Variants in TSHZ3 observed in about 807,000 individuals in gnomAD.
TSHZ3 encodes the protein teashirt zinc finger homeobox 3, also known as teashirt homolog 3.
Under a neutral mutation model 64.5 loss-of-function variants are expected in TSHZ3, and 10 were observed. The ratio of observed to expected loss-of-function variants is 0.16; its 90% confidence interval spans 0.10 to 0.26. The LOEUF (loss-of-function observed/expected upper bound fraction) is 0.26. TSHZ3 is among the 10% of genes least tolerant of loss of function. The probability of loss-of-function intolerance (pLI) is 1.00; values close to 1 mark genes in which losing one functional copy is unlikely to be tolerated. For missense variants in TSHZ3, 1,242 were observed against 1,421.7 expected (o/e 0.87, Z 2.03); for synonymous variants, 608 against 593.1 (o/e 1.03, Z -0.36).
At chr19:31,207,196 A>G (rs1470934995) in intron 4 of TSHZ3, among the ~76,000 whole-genome samples, 3 of 152,214 alleles carry the variant, frequency 2.0e-5, no homozygotes, top group Non-Finnish European at 4.4e-5. Flanking sequence ...ATTATATATT[A>G]AAGTACAAAA....
chr19:31,276,653 T>C lies in TSHZ3; in HGVS notation c.3140A>G (p.Asn1047Ser), dbSNP rs749847932. The change falls in exon 2 of 2, where the codon AAT becomes AGT. Residue 1047 changes from asparagine (N) to serine (S), a missense_variant. By Grantham distance (46) the Asn-to-Ser change is conservative. Around this residue, in one of 4 missense-constraint regions of TSHZ3, gnomAD observed 126 missense variants for 140.6 expected, o/e 0.90. Coordinates refer to ENST00000240587, the MANE Select transcript of TSHZ3 (RefSeq NM_020856.4). ...AGCGTGCTTGCTGGCAAAGGTCCGA[T>C]TGCAAAGTTTGCACTGATAGGAAGT... The part of the protein sequence containing the change: ...LGTSYQCKLC[N>S]RTFASKHAVK... The C allele has an allele frequency of 5.2e-5, 84 of 1,612,948 alleles. 2 individuals carry two copies. The Middle Eastern group carries it at 6.6e-4, about 13-fold the overall frequency.
intron 4 of TSHZ3, among the ~76,000 whole-genome samples, chr19:31,210,154 A>C (rs541432555): frequency 6.6e-6 from 1 of 152,222 alleles, no homozygotes; most frequent in Admixed American, 6.5e-5. Context: ...CAGGCAAATG[A>C]GTGCAGGGGA....
intron 1 of TSHZ3, among the ~76,000 whole-genome samples, chr19:31,285,424 G>A (rs1441236069): frequency 6.6e-6 from 1 of 150,438 alleles, no homozygotes; most frequent in South Asian, 2.1e-4. Flanking sequence ...AGGCTGCAGC[G>A]AGTTAGGATC....
intron 1 of TSHZ3, among the ~76,000 whole-genome samples, chr19:31,252,681 T>C (rs918782781): frequency 1.3e-5 from 2 of 152,202 alleles, no homozygotes; most frequent in East Asian, 1.9e-4. Context: ...TCTGCCATGA[T>C]TGTAAGTTCC....
intron 4 of TSHZ3, among the ~76,000 whole-genome samples, chr19:31,211,767 G>T (rs1599585687): frequency 6.6e-6 from 1 of 152,176 alleles, no homozygotes; most frequent in East Asian, 1.9e-4. Flanking sequence ...GTGGATTTGG[G>T]GTTCAGCATG....
rs989083279 is a variant in TSHZ3, at chr19:31,267,188, G to A, written n.64-24313C>T. Among the ~76,000 whole-genome samples the A allele has an allele frequency of 5.3e-5, 8 of 152,310 alleles. 1 individual carries two copies. The South Asian group carries it at 1.7e-3, about 32-fold the overall frequency. On this transcript the variant is annotated intron_variant and non_coding_transcript_variant, in intron 1 of 6. Transcript: ENST00000651361. ...TTCTTGTTCTTGATGACAACACAGG[G>A]CATGAGGGCCTTCTCTCAGCCTGCA... is the stretch of plus-strand genomic sequence containing the variant.
chr19:31,160,655 AAC>A lies in TSHZ3; in HGVS notation n.810-4240_810-4239del, dbSNP rs938133602. 3.2e-4 allele frequency among the ~76,000 whole-genome samples: 48 copies of A among 151,866 alleles called. 1 individual carries two copies. Among genetic ancestry groups the A allele is most frequent in the African/African-American group, 1.1e-3 (47 of 41,448 alleles). ...ACACACATATTCGCACACACACACA[AAC>A]ACACAGGCACACATACATACACACA... On this transcript the variant is annotated intron_variant and non_coding_transcript_variant, in intron 5 of 6. Transcript: ENST00000651361.
chr19:31,208,555 G>A (rs1460209310), intron 4 of TSHZ3, among the ~76,000 whole-genome samples: 2 of 152,222 alleles, frequency 1.3e-5, no homozygotes, highest in Non-Finnish European at 2.9e-5. Flanking sequence ...CTGTACACTT[G>A]AGCTTCTCCT....
intron 4 of TSHZ3, among the ~76,000 whole-genome samples, chr19:31,223,373 T>C (rs1378405351): frequency 6.7e-6 from 1 of 150,248 alleles, no homozygotes; most frequent in African/African-American, 2.5e-5. Context: ...AACGTGTGTG[T>C]GTGTGTGTGT....
intron 1 of TSHZ3, among the ~76,000 whole-genome samples, chr19:31,331,079 A>ACC (rs1917076867): frequency 6.6e-6 from 1 of 152,002 alleles, no homozygotes; most frequent in Non-Finnish European, 1.5e-5. Flanking sequence ...CGAAAGGGAT[A>ACC]CCCCCTCCTT....
At chr19:31,178,263 C>T (rs932528825) in intron 5 of TSHZ3, among the ~76,000 whole-genome samples, 1 of 152,202 alleles carries the variant, frequency 6.6e-6, no homozygotes, top group African/African-American at 2.4e-5. Context: ...GTCAGCATCT[C>T]CTGGCTACTG....
chr19:31,156,215 A>G (rs376395983), intron 6 of TSHZ3, among the ~76,000 whole-genome samples: 8 of 152,250 alleles, frequency 5.3e-5, no homozygotes, highest in East Asian at 1.9e-4. Flanking sequence ...GTTGTATTCA[A>G]TGATGTATTA....
chr19:31,199,737 A>C (rs1213142675), intron 5 of TSHZ3, among the ~76,000 whole-genome samples: 1 of 144,964 alleles, frequency 6.9e-6, no homozygotes, highest in Non-Finnish European at 1.5e-5. Context: ...TAAAATTAAA[A>C]TTTTCTGTTT....
At chr19:31,306,352 T>G (rs1916296266) in intron 1 of TSHZ3, among the ~76,000 whole-genome samples, 1 of 152,230 alleles carries the variant, frequency 6.6e-6, no homozygotes, top group Non-Finnish European at 1.5e-5. Context: ...AATGTCTATC[T>G]TCTTCTCATC....
intron 1 of TSHZ3, among the ~76,000 whole-genome samples, chr19:31,269,357 G>A (rs1976101668): frequency 6.6e-6 from 1 of 152,124 alleles, no homozygotes; most frequent in East Asian, 1.9e-4. Context: ...CGGTTTCATG[G>A]TCACTGAGGC....
intron 4 of TSHZ3, chr19:31,207,395 G>GT (rs537318405): frequency 2.4e-4 from 37 of 152,100 alleles, no homozygotes; most frequent in African/African-American, 8.2e-4. Context: ...AAATACACAG[G>GT]TTTTTTATCA....
intron 1 of TSHZ3, among the ~76,000 whole-genome samples, chr19:31,244,287 G>A (rs1975732061): frequency 6.6e-6 from 1 of 151,976 alleles, no homozygotes; most frequent in South Asian, 2.1e-4. Flanking sequence ...GTTTAAAAGT[G>A]TGTGCACCTC....
chr19:31,270,593 G>T (rs1025491682), downstream of TSHZ3, among the ~76,000 whole-genome samples: 1 of 152,232 alleles, frequency 6.6e-6, no homozygotes, highest in Non-Finnish European at 1.5e-5. Flanking sequence ...GCGATTACGG[G>T]CTTGGGCCAC....
intron 5 of TSHZ3, among the ~76,000 whole-genome samples, chr19:31,185,354 C>T (rs1038607688): frequency 6.6e-6 from 1 of 152,236 alleles, no homozygotes; most frequent in African/African-American, 2.4e-5. Context: ...CACCTTCAAG[C>T]TCCCCAACCC....
Sources: gnomAD v4.1 joint callset for allele counts (sites outside exome capture counted in the v4.1 genomes callset) on GRCh38, gnomAD v4.1.1 for gene constraint, gnomAD v4.1.1 regional missense constraint, MANE v1.5 for transcripts, NCBI Gene and HGNC (gene_info 2026-07-23, HGNC 2026-07-21) for gene names.